Variants in KIF24 observed in about 807,000 individuals in gnomAD.
KIF24 encodes the protein kinesin family member 24.
A neutral mutation model predicts 118.9 loss-of-function variants in KIF24; 81 were observed. The ratio of observed to expected loss-of-function variants is 0.68; its 90% confidence interval spans 0.57 to 0.82. KIF24 has a LOEUF of 0.82. Ranked by LOEUF, KIF24 falls within the 40% of genes least tolerant of loss-of-function variation. The probability of loss-of-function intolerance (pLI) is 0.00; values close to 1 mark genes in which losing one functional copy is unlikely to be tolerated. For missense variants in KIF24, 1,560 were observed against 1,661.6 expected, an observed-to-expected ratio of 0.94 and a Z score of 1.06; for synonymous variants, 599 against 610.0, an observed-to-expected ratio of 0.98 and a Z score of 0.27.
At chr9:34,313,328 C>T (rs1837229273) in intron 1 of KIF24, among the ~76,000 whole-genome samples, 1 of 152,120 alleles carries the variant, frequency 6.6e-6, no homozygotes, top group Non-Finnish European at 1.5e-5. Flanking sequence ...TGGGCAAAGC[C>T]CAGCCCAAAT....
chr9:34,283,257 C>T (rs1346120585), intron 6 of KIF24, among the ~76,000 whole-genome samples: 2 of 151,140 alleles, frequency 1.3e-5, no homozygotes, highest in African/African-American at 4.9e-5. Flanking sequence ...GTAGTCCCAG[C>T]TACTCAGGAG....
rs1356580530 is a variant in KIF24 at position 34,269,366 on chromosome 9, G to C, written c.1338-4C>G. On this transcript the variant is annotated splice_region_variant and splice_polypyrimidine_tract_variant and intron_variant, in intron 7 of 12. Transcript: ENST00000402558. ...AGCCAAGTCAATAAAAGAGATCCTAGAGAAAAGACACAGCAGGAGTGACTT... is the reference window on the plus strand; with the variant it reads ...AGCCAAGTCAATAAAAGAGATCCTACAGAAAAGACACAGCAGGAGTGACTT... 1 of 1,490,064 alleles carries C rather than the reference G, an allele frequency of 6.7e-7. No homozygotes were observed. The allele number at this position is 1,490,064 out of a possible 1,614,324, so 92.3% of individuals were successfully genotyped here. A position where few individuals can be genotyped will look rare whatever the true frequency, so the allele number is the denominator to read the frequency against.
intron 1 of KIF24, among the ~76,000 whole-genome samples, chr9:34,327,281 A>G (rs925898478): frequency 2.0e-5 from 3 of 152,158 alleles, no homozygotes; most frequent in Non-Finnish European, 2.9e-5. Context: ...GGATTAATAT[A>G]TCAGGCATCA....
At position 34,290,285 on chromosome 9, in the gene KIF24, T is replaced by G; in HGVS notation, c.1016A>C (p.Asp339Ala). Reference sequence around the variant, plus strand: ...GGACACTTCTAGTTGCCTGAAGATATCTTTGGCAGCTAGAGCATACAATCC... The same window carrying G: ...GGACACTTCTAGTTGCCTGAAGATAGCTTTGGCAGCTAGAGCATACAATCC... ...NPGLYALAAK[D>A]IFRQLEVSQP... The change falls in exon 5 of 13, where the codon GAT (aspartate) becomes GCT (alanine). Residue 339 changes from aspartate to alanine, a missense_variant. Transcript: ENST00000402558. 1 of 1,613,538 alleles carries G rather than the reference T, an allele frequency of 6.2e-7. No individual in the cohort carries two copies. The highest frequency in any genetic ancestry group is 1.1e-5 in the South Asian group (1 of 91,070).
Position 34,256,384 on chromosome 9 carries a change from C to T in KIF24, c.3223G>A (p.Gly1075Arg). ...SPPSEQLVQD[G>R]ATHSLVAEST... ...TCTGCCACTAGACTGTGCGTAGCCC[C>T]ATCCTGGACCAGCTGCTCCGAGGGA... is the stretch of plus-strand genomic sequence containing the variant. Residue 1075 changes from glycine to arginine, a missense_variant, in exon 11 of 13, where the codon GGG (glycine) becomes AGG (arginine). Gly to Arg is a moderately radical substitution (Grantham distance 125). Transcript: ENST00000402558. 1 of 1,613,968 alleles carries T rather than the reference C, an allele frequency of 6.2e-7. No homozygotes were observed. Among genetic ancestry groups the T allele is most frequent in the Non-Finnish European group, 8.5e-7 (1 of 1,179,906 alleles).
chr9:34,310,697 AAAAG>A (rs773557327), intron 2 of KIF24, 23 bp downstream of exon 2: 13 of 1,540,274 alleles, frequency 8.4e-6, no homozygotes, highest in East Asian at 2.3e-5. Context: ...ACTTTCCCTC[AAAAG>A]AAAGAAAGAT....
Position 34,311,391 on chromosome 9 carries a change from C to A in KIF24, c.-25-20G>T. ...TAAACTCTGAAGAGAGAAAGAAAAG[C>A]CATTCGCTTGAAATAGAGTACATGT... On this transcript the variant is annotated intron_variant, in intron 1 of 12. Transcript: ENST00000402558. 1 of 1,378,408 alleles carries A rather than the reference C, an allele frequency of 7.3e-7. No individual in the cohort carries two copies. Among genetic ancestry groups the A allele is most frequent in the Non-Finnish European group, 9.7e-7 (1 of 1,032,304 alleles). The allele number at this position is 1,378,408 out of a possible 1,614,324, so 85.4% of individuals were successfully genotyped here. A position where few individuals can be genotyped will look rare whatever the true frequency, so the allele number is the denominator to read the frequency against.
At chr9:34,330,406 A>G (rs1454528272), upstream of KIF24, among the ~76,000 whole-genome samples, 2 of 152,178 alleles carry the variant, frequency 1.3e-5, no homozygotes, top group African/African-American at 4.8e-5. Context: ...CTCCGTCTCA[A>G]AAACAAAACA....
chr9:34,254,419 G>A lies in KIF24; in HGVS notation c.4068C>T (p.His1356=), dbSNP rs143446837. 1.9e-6 allele frequency: 3 copies of A among 1,613,764 alleles called. No homozygotes were observed. The highest frequency in any genetic ancestry group is 2.7e-5 in the African/African-American group (2 of 75,038). The change falls in exon 13 of 13, where the codon CAC becomes CAT. Residue 1356 remains histidine, a synonymous_variant. Coordinates refer to ENST00000402558, the MANE Select transcript of KIF24 (RefSeq NM_194313.4). ...TTCCCTCAGGGGCTGCGGTGGGCCCGTGGCAGGTGAGATAGAGCTGCAGCT... is the reference window on the plus strand; with the variant it reads ...TTCCCTCAGGGGCTGCGGTGGGCCCATGGCAGGTGAGATAGAGCTGCAGCT... ...RSQLQLYLTC[H]GPTAAPEGTV...
Position 34,256,005 on chromosome 9 carries a change from T to C in KIF24, c.3602A>G (p.His1201Arg), listed in dbSNP as rs767342160. Residue 1201 changes from histidine to arginine, a missense_variant, in exon 11 of 13, where the codon CAT becomes CGT. His to Arg is a conservative substitution (Grantham distance 29, BLOSUM62 0). Around this residue, in one of 3 missense-constraint regions of KIF24, gnomAD observed 591 missense variants for 655.6 expected, o/e 0.90. Transcript: ENST00000402558. ...TCGTGGGGTGAGTGTAGGTCCAGAA[T>C]GGGGTACCCCCATATGTATGGTGGT... is the stretch of plus-strand genomic sequence containing the variant. ...PFTTIHMGVP[H>R]SGPTLTPRTG... The C allele has an allele frequency of 1.2e-6, 2 of 1,613,868 alleles. No homozygotes were observed. The highest frequency in any genetic ancestry group is 4.5e-5 in the East Asian group (2 of 44,868).
intron 8 of KIF24, among the ~76,000 whole-genome samples, chr9:34,264,741 CT>C (rs1835222502): frequency 6.6e-6 from 1 of 152,108 alleles, no homozygotes; most frequent in Admixed American, 6.5e-5. Context: ...TCCCTACAAG[CT>C]TTTTTTCTTT....
At position 34,318,530 on chromosome 9, in the gene KIF24, C is replaced by G. The variant is rs1460611020; in HGVS notation, c.-25-7159G>C. 1 of 1,002,426 alleles carries G rather than the reference C, an allele frequency of 1.0e-6. No homozygotes were observed. The highest frequency in any genetic ancestry group is 1.5e-6 in the Non-Finnish European group (1 of 649,062). 62.1% of individuals were successfully genotyped at this position (1,002,426 alleles called of 1,614,324 possible). A position where few individuals can be genotyped will look rare whatever the true frequency, so the allele number is the denominator to read the frequency against. ...GAAGCTGAGCCCCAAGGCAGCCACG[C>G]TGGCCGAACACAGCGCCGGCCTGGC... is the stretch of plus-strand genomic sequence containing the variant. On this transcript the variant is annotated intron_variant, in intron 1 of 12. Coordinates refer to ENST00000402558, the MANE Select transcript of KIF24 (RefSeq NM_194313.4). This position sits in a 1 kb window ranked among gnomAD's most constrained non-coding sequence, Gnocchi z 4.9.
At chr9:34,311,706 A>G (rs539094395) in intron 1 of KIF24, among the ~76,000 whole-genome samples, 1 of 146,684 alleles carries the variant, frequency 6.8e-6, no homozygotes, top group Admixed American at 7.0e-5. Context: ...ATGTACATAT[A>G]TACGTATATA....
rs1344422639 is a variant in KIF24, at chr9:34,253,362, G to C, written c.*1018C>G. ...ACCTGGAGGCTACTTTGTCTTCCCT[G>C]TCCTGAGCTGCTTCCTGCTAAAAAG... is the stretch of plus-strand genomic sequence containing the variant. On this transcript the variant is annotated 3_prime_UTR_variant, in exon 13 of 13. Transcript: ENST00000402558. 1.3e-5 allele frequency: 2 copies of C among 152,294 alleles called. No homozygotes were observed. Among genetic ancestry groups the C allele is most frequent in the African/African-American group, 4.8e-5 (2 of 41,466 alleles). 9.4% of individuals were successfully genotyped at this position (152,294 alleles called of 1,614,324 possible). A position where few individuals can be genotyped will look rare whatever the true frequency, so the allele number is the denominator to read the frequency against.
At chr9:34,267,581 A>G (rs1387007506) in intron 8 of KIF24, among the ~76,000 whole-genome samples, 3 of 152,146 alleles carry the variant, frequency 2.0e-5, no homozygotes, top group East Asian at 3.8e-4. Flanking sequence ...TTTTTTTAAA[A>G]AAGAAAAAGA....
At chr9:34,322,546 C>T (rs539611547) in intron 1 of KIF24, among the ~76,000 whole-genome samples, 8 of 151,850 alleles carry the variant, frequency 5.3e-5, no homozygotes, top group Non-Finnish European at 1.2e-4. Context: ...TCACTGGGCC[C>T]GCTGGACTAT....
intron 4 of KIF24, among the ~76,000 whole-genome samples, chr9:34,294,722 T>C (rs900816975): frequency 2.0e-5 from 3 of 152,176 alleles, no homozygotes; most frequent in African/African-American, 7.2e-5. Context: ...TAAAACACCA[T>C]TATGCTAAGC....
intron 9 of KIF24, 29 bp downstream of exon 9, chr9:34,263,072 A>T (rs768619266): frequency 6.4e-7 from 1 of 1,554,564 alleles, no homozygotes; most frequent in East Asian, 2.2e-5. Context: ...ATGAATCAGA[A>T]CAAACTCAAG....
intron 9 of KIF24, 112 bp downstream of exon 9, chr9:34,262,989 T>C: frequency 1.3e-6 from 1 of 760,928 alleles, no homozygotes; most frequent in South Asian, 1.6e-5. Flanking sequence ...TTCCCCACTG[T>C]GCCCAGCATC....
Sources: gnomAD v4.1 joint callset for allele counts (sites outside exome capture counted in the v4.1 genomes callset) on GRCh38, gnomAD v4.1.1 for gene constraint, gnomAD v4.1.1 regional missense constraint, Gnocchi (gnomAD v3.1) non-coding constraint, MANE v1.5 for transcripts, NCBI Gene and HGNC (gene_info 2026-07-23, HGNC 2026-07-21) for gene names.